Variants in GLYAT observed in about 807,000 individuals in gnomAD.
The protein encoded by GLYAT is glycine N-acyltransferase.
Under a neutral mutation model 22.8 loss-of-function variants are expected in GLYAT, and 25 were observed. The ratio of observed to expected loss-of-function variants is 1.09; its 90% CI spans 0.80 to 1.53. The LOEUF (loss-of-function observed/expected upper bound fraction) is 1.53. Among genes scored for constraint, GLYAT ranks in the 40% most tolerant of loss-of-function variants. GLYAT has a pLI of 0.00. For synonymous variants in GLYAT, 140 were observed against 122.7 expected (o/e 1.14, Z -0.93); for missense variants, 411 against 353.9 (o/e 1.16, Z -1.29).
intron 2 of GLYAT, among the ~76,000 whole-genome samples, chr11:58,721,739 T>A (rs948969674): frequency 5.9e-5 from 9 of 152,052 alleles, no homozygotes; most frequent in African/African-American, 2.2e-4. Flanking sequence ...CAGTTTGGTC[T>A]GGCTGGCAAA....
intron 2 of GLYAT, among the ~76,000 whole-genome samples, chr11:58,716,758 A>G (rs1241370171): frequency 1.3e-5 from 2 of 152,144 alleles, no homozygotes; most frequent in Non-Finnish European, 2.9e-5. Context: ...TTATTTTGCC[A>G]AGATTGAGTG....
chr11:58,710,587 C>T lies in GLYAT; in HGVS notation c.488+3G>A, dbSNP rs1856602495. 6.3e-7 allele frequency: 1 copy of T among 1,591,878 alleles called. No individual in the cohort carries two copies. ...GGTATAGACTGGATTTTATCAAACT[C>T]ACATGGCCTTGGGTTTGCCACCATT... On this transcript the variant is annotated splice_donor_region_variant and intron_variant, in intron 5 of 5. Transcript: ENST00000344743.
At chr11:58,727,093 T>C (rs1256628395) in intron 1 of GLYAT, among the ~76,000 whole-genome samples, 1 of 152,062 alleles carries the variant, frequency 6.6e-6, no homozygotes, top group African/African-American at 2.4e-5. Context: ...AACTTGGCCC[T>C]AGGTTGTGAC....
At chr11:58,717,426 T>C (rs1276374727) in intron 2 of GLYAT, among the ~76,000 whole-genome samples, 1 of 152,090 alleles carries the variant, frequency 6.6e-6, no homozygotes, top group Non-Finnish European at 1.5e-5. Context: ...TAGGCAGGTA[T>C]GAAAGTGGCT....
chr11:58,720,517 T>C lies in GLYAT; in HGVS notation c.81+3899A>G, dbSNP rs183697600. Among the ~76,000 whole-genome samples, 295 of 152,166 alleles carry C rather than the reference T, an allele frequency of 1.9e-3. 1 individual carries two copies. The highest frequency in any genetic ancestry group is 6.8e-3 in the Middle Eastern group (2 of 294). ...CGTCCAAGCTGTCCTCATTCATTCC[T>C]GGACGTAGGCCTAACTAACTTTGGG... On this transcript the variant is annotated intron_variant, in intron 2 of 5. Transcript: ENST00000344743.
chr11:58,728,862 G>GA lies in GLYAT; in HGVS notation c.-16+2972dup, dbSNP rs1456013283. On this transcript the variant is annotated intron_variant, in intron 1 of 5. Transcript: ENST00000344743. ...AAAAAGGAAAGAAAGAAGAAAGAAAGAAAGAAAGAAAGAAAGAAAGAAAGA... is the reference window on the plus strand; with the variant it reads ...AAAAAGGAAAGAAAGAAGAAAGAAAGAAAAGAAAGAAAGAAAGAAAGAAAGA... 9.2e-5 allele frequency: 8 copies of GA among 87,222 alleles called. No individual in the cohort carries two copies. The South Asian group carries it at 3.1e-3, about 34-fold the overall frequency. The allele number at this position is 87,222 out of a possible 1,614,324, so 5.4% of individuals were successfully genotyped here.
chr11:58,728,177 C>G (rs1051524648), intron 1 of GLYAT, among the ~76,000 whole-genome samples: 1 of 149,478 alleles, frequency 6.7e-6, no homozygotes, highest in Non-Finnish European at 1.5e-5. Flanking sequence ...ATTTTCCTGC[C>G]TCAGATTCCT....
At chr11:58,719,527 C>T (rs1355401475) in intron 2 of GLYAT, among the ~76,000 whole-genome samples, 1 of 151,886 alleles carries the variant, frequency 6.6e-6, no homozygotes, top group Non-Finnish European at 1.5e-5. Context: ...CTTATTTTAT[C>T]TTTCAAAATC....
At chr11:58,729,739 G>T (rs1856852056) in intron 1 of GLYAT, among the ~76,000 whole-genome samples, 1 of 152,100 alleles carries the variant, frequency 6.6e-6, no homozygotes, top group Non-Finnish European at 1.5e-5. Flanking sequence ...CAGCTATTTT[G>T]TACTACATTA....
At position 58,709,530 on chromosome 11, in the gene GLYAT, G is replaced by C. The variant is rs990532945; in HGVS notation, c.*236C>G. On this transcript the variant is annotated 3_prime_UTR_variant, in exon 6 of 6. Coordinates refer to ENST00000344743, the MANE Select transcript of GLYAT (RefSeq NM_201648.3). ...AGTGTCATAGAGGTCCTGGAAATGT[G>C]GGGAGGTAAATTGCTTATGTCAAAT... 4.5e-6 allele frequency: 2 copies of C among 443,612 alleles called. No homozygotes were observed. The highest frequency in any genetic ancestry group is 8.0e-6 in the Non-Finnish European group (2 of 249,778). The allele number at this position is 443,612 out of a possible 1,614,324, so 27.5% of individuals were successfully genotyped here.
At chr11:58,729,071 T>C (rs1856845703) in intron 1 of GLYAT, among the ~76,000 whole-genome samples, 1 of 152,158 alleles carries the variant, frequency 6.6e-6, no homozygotes, top group Admixed American at 6.5e-5. Context: ...CCATGGATTC[T>C]ACCTCTACCA....
rs545342599 is a variant in GLYAT, at chr11:58,710,927, C to T, written c.317-166G>A. Among the ~76,000 whole-genome samples the T allele has an allele frequency of 6.6e-5, 10 of 152,224 alleles. No individual in the cohort carries two copies. In the South Asian group the frequency reaches 2.1e-3, roughly 32 times the overall value. On this transcript the variant is annotated intron_variant, in intron 4 of 5. Transcript: ENST00000344743. ...AATAGTAATTTAAAAAGTGAAGATT[C>T]CTCTTCAAAAAGACTTCCCTCCCCA...
chr11:58,712,628 A>G, intron 4 of GLYAT, 132 bp downstream of exon 4: 1 of 767,292 alleles, frequency 1.3e-6, no homozygotes, highest in South Asian at 1.8e-5. Context: ...TTTTACAGAT[A>G]TAGTTACCAC....
At position 58,724,446 on chromosome 11, in the gene GLYAT, G is replaced by T. The variant is rs1856790639; in HGVS notation, c.51C>A (p.Ser17=). ...AGGATGCTGGGAGGCTCTTCCTCAA[G>T]GATTTCTCCAGCATCTGCAGCATCT... is the stretch of plus-strand genomic sequence containing the variant. The part of the protein sequence containing the change: ...GAQMLQMLEK[S]LRKSLPASLK... Residue 17 remains serine, a synonymous_variant, in exon 2 of 6, where the codon TCC becomes TCA. Coordinates refer to ENST00000344743, the MANE Select transcript of GLYAT (RefSeq NM_201648.3). The T allele has an allele frequency of 6.2e-7, 1 of 1,606,948 alleles. No individual in the cohort carries two copies. The highest frequency in any genetic ancestry group is 1.3e-5 in the African/African-American group (1 of 74,814).
intron 4 of GLYAT, among the ~76,000 whole-genome samples, chr11:58,712,114 G>T (rs970193225): frequency 1.3e-5 from 2 of 152,192 alleles, no homozygotes; most frequent in Admixed American, 1.3e-4. Context: ...GAACTGCCTT[G>T]CAAAGCTCAG....
chr11:58,720,292 A>G (rs766840121), intron 2 of GLYAT, among the ~76,000 whole-genome samples: 4 of 152,184 alleles, frequency 2.6e-5, no homozygotes, highest in East Asian at 1.9e-4. Context: ...TTAATTTAAT[A>G]TAATTTCATA....
At chr11:58,718,026 A>T (rs1362064647) in intron 2 of GLYAT, among the ~76,000 whole-genome samples, 1 of 152,008 alleles carries the variant, frequency 6.6e-6, no homozygotes, top group East Asian at 1.9e-4. Context: ...TTTATTTACC[A>T]CAGTCAGAAA....
intron 5 of GLYAT, 61 bp from the exon 6 acceptor site, chr11:58,710,229 C>A (rs1481496984): frequency 2.0e-6 from 3 of 1,534,980 alleles, no homozygotes; most frequent in African/African-American, 2.8e-5. Context: ...TTTGCTGTGA[C>A]CTCTATTGTC....
At position 58,710,596 on chromosome 11, in the gene GLYAT, T is replaced by G. The variant is rs775440749; in HGVS notation, c.482A>C (p.Lys161Thr). 1.9e-6 allele frequency: 3 copies of G among 1,599,046 alleles called. No homozygotes were observed. The highest frequency in any genetic ancestry group is 2.6e-6 in the Non-Finnish European group (3 of 1,166,036). ...TGGATTTTATCAAACTCACATGGCC[T>G]TGGGTTTGCCACCATTGGGAGATAA... The part of the protein sequence containing the change: ...KILSPNGGKP[K>T]AINQEMFKLS... Residue 161 changes from lysine (K) to threonine (T), a missense_variant, in exon 5 of 6, where the codon AAG (lysine) becomes ACG (threonine). Physicochemically the swap from Lys to Thr is moderately conservative, Grantham distance 78 (BLOSUM62 -1). Transcript: ENST00000344743.
Sources: allele counts gnomAD v4.1 joint callset (sites outside exome capture counted in the v4.1 genomes callset), GRCh38; gene constraint gnomAD v4.1.1; transcripts MANE v1.5; gene names NCBI Gene and HGNC (gene_info 2026-07-23, HGNC 2026-07-21).